PRLR: variants seen among roughly 807,000 people sequenced by gnomAD.
PRLR encodes the protein prolactin receptor, also known as hPRL receptor.
PRLR carries 13 observed loss-of-function variants against 40.2 expected under a neutral mutation model. The ratio of observed to expected loss-of-function variants is 0.32; its 90% CI spans 0.21 to 0.51. The LOEUF is 0.51. Among genes scored for constraint, PRLR ranks in the 20% least tolerant of loss-of-function variants. The pLI, the probability that PRLR is intolerant of heterozygous loss-of-function variation, is 0.97. For missense variants in PRLR, 656 were observed against 747.3 expected, an observed-to-expected ratio of 0.88 and a Z score of 1.42; for synonymous variants, 269 against 278.7, an observed-to-expected ratio of 0.97 and a Z score of 0.35.
chr5:35,216,287 G>A (rs968710079), intron 1 of PRLR, among the ~76,000 whole-genome samples: 1 of 16,178 alleles, frequency 6.2e-5, no homozygotes, highest in African/African-American at 3.4e-4. Flanking sequence ...CTCATTTATT[G>A]AACTATAGTG....
intron 1 of PRLR, among the ~76,000 whole-genome samples, chr5:35,145,509 T>C (rs929298200): frequency 6.6e-6 from 1 of 152,212 alleles, no homozygotes; most frequent in Non-Finnish European, 1.5e-5. Flanking sequence ...AAGGTCCTTG[T>C]TGTGGTATGC....
chr5:35,180,633 C>T lies in PRLR; in HGVS notation c.-106+49635G>A, dbSNP rs368784446. 4.3e-4 allele frequency among the ~76,000 whole-genome samples: 66 copies of T among 152,042 alleles called. 1 individual carries two copies. Among genetic ancestry groups the T allele is most frequent in the Middle Eastern group, 6.8e-3 (2 of 292 alleles). On this transcript the variant is annotated intron_variant, in intron 1 of 9. Transcript: ENST00000618457. The stretch of plus-strand genomic sequence containing the variant: ...TAAATTCTAGGGTACATCTGCACAA[C>T]GTGCAGGTTTGTTACACGTGTATAC...
intron 1 of PRLR, among the ~76,000 whole-genome samples, chr5:35,206,113 G>T (rs965515954): frequency 6.6e-6 from 1 of 152,116 alleles, no homozygotes; most frequent in Non-Finnish European, 1.5e-5. Context: ...TGAGATAAAA[G>T]TAAGGAAGGA....
chr5:35,189,181 C>G (rs1775530291), intron 1 of PRLR, among the ~76,000 whole-genome samples: 1 of 152,128 alleles, frequency 6.6e-6, no homozygotes, highest in African/African-American at 2.4e-5. Flanking sequence ...AGCACACCAC[C>G]AGAAGCTAGC....
At chr5:35,124,872 G>A (rs1478944106) in intron 1 of PRLR, among the ~76,000 whole-genome samples, 2 of 152,276 alleles carry the variant, frequency 1.3e-5, no homozygotes, top group South Asian at 2.1e-4. Context: ...TTTATCAGAA[G>A]TGTATCAGTC....
chr5:35,220,031 G>A (rs186571471), intron 1 of PRLR, among the ~76,000 whole-genome samples: 1 of 152,194 alleles, frequency 6.6e-6, no homozygotes, highest in African/African-American at 2.4e-5. Flanking sequence ...ACCTTGGCAT[G>A]ATCCACCCTC....
Position 35,084,592 on chromosome 5 carries a change from T to C in PRLR, c.251A>G (p.Asn84Ser), listed in dbSNP as rs754093703. The change falls in exon 5 of 10, where the codon AAC becomes AGC. Residue 84 changes from asparagine (N) to serine (S), a missense_variant. Transcript: ENST00000618457. ...GTACTGCTTGCCAAAGTGGCAGGAG[T>C]TGGGGCCACCGGTTATGTAGTCTGG... ...ECPDYITGGP[N>S]SCHFGKQYTS... The C allele has an allele frequency of 9.9e-6, 16 of 1,610,912 alleles. No individual in the cohort carries two copies. Among genetic ancestry groups the C allele is most frequent in the Non-Finnish European group, 1.2e-5 (14 of 1,178,832 alleles).
chr5:35,092,972 G>A (rs1394299185), intron 2 of PRLR, among the ~76,000 whole-genome samples: 1 of 152,022 alleles, frequency 6.6e-6, no homozygotes, highest in Non-Finnish European at 1.5e-5. Context: ...CCACACTGTG[G>A]CCCACCGTGG....
chr5:35,218,446 C>T lies in PRLR; in HGVS notation c.-106+11822G>A, dbSNP rs559926379. On this transcript the variant is annotated intron_variant, in intron 1 of 9. Transcript: ENST00000618457. ...ATATAATATAGAAGACAAATCATCA[C>T]AATTACTGTCTTTATAGCCATTGCT... Among the ~76,000 whole-genome samples the T allele has an allele frequency of 2.6e-5, 4 of 152,220 alleles. 1 individual carries two copies. In the East Asian group the frequency reaches 7.7e-4, roughly 29 times the overall value.
At position 35,065,806 on chromosome 5, in the gene PRLR, C is replaced by T. The variant is rs1242510126; in HGVS notation, c.1152G>A (p.Glu384=). The T allele has an allele frequency of 1.2e-6, 2 of 1,614,106 alleles. No homozygotes were observed. Among genetic ancestry groups the T allele is most frequent in the East Asian group, 2.2e-5 (1 of 44,860 alleles). The change falls in exon 10 of 10, where the codon GAG becomes GAA. Residue 384 remains glutamate (E), a synonymous_variant. Transcript: ENST00000618457. ...FYDPEVIEKP[E]NPETTHTWDP... is the part of the protein sequence containing the mutation. Reference sequence around the variant, plus strand: ...CCCAGGTGTGGGTTGTTTCAGGATTCTCTGGCTTCTCAATGACCTCAGGAT... The same window carrying T: ...CCCAGGTGTGGGTTGTTTCAGGATTTTCTGGCTTCTCAATGACCTCAGGAT...
At chr5:35,150,035 C>A (rs1774295994) in intron 1 of PRLR, among the ~76,000 whole-genome samples, 1 of 152,072 alleles carries the variant, frequency 6.6e-6, no homozygotes, top group Non-Finnish European at 1.5e-5. Context: ...CAGGCATGCG[C>A]CACGACGCCC....
Position 35,058,657 on chromosome 5 carries a change from A to G in PRLR, c.*6432T>C, listed in dbSNP as rs1768861090. On this transcript the variant is annotated 3_prime_UTR_variant, in exon 10 of 10. Transcript: ENST00000618457. ...TACAGTCATAGACACAATCATATTGAAACTACATATGGATAAATTGTAAGT... is the reference window on the plus strand; with the variant it reads ...TACAGTCATAGACACAATCATATTGGAACTACATATGGATAAATTGTAAGT... 6.6e-6 allele frequency: 1 copy of G among 152,250 alleles called. No individual in the cohort carries two copies. Among genetic ancestry groups the G allele is most frequent in the East Asian group, 1.9e-4 (1 of 5,206 alleles). 9.4% of individuals were successfully genotyped at this position (152,250 alleles called of 1,614,324 possible).
intron 5 of PRLR, among the ~76,000 whole-genome samples, chr5:35,080,334 C>T (rs1450875055): frequency 2.0e-5 from 3 of 151,942 alleles, no homozygotes; most frequent in South Asian, 4.2e-4. Context: ...AACTTAAACA[C>T]GTTTACAAGA....
intron 1 of PRLR, among the ~76,000 whole-genome samples, chr5:35,172,208 G>A (rs1775018477): frequency 6.6e-6 from 1 of 152,232 alleles, no homozygotes; most frequent in South Asian, 2.1e-4. Flanking sequence ...CTGCAGGCAT[G>A]ACAGGGCCGT....
chr5:35,171,921 C>T (rs1230446199), intron 1 of PRLR, among the ~76,000 whole-genome samples: 3 of 152,088 alleles, frequency 2.0e-5, no homozygotes, highest in African/African-American at 7.2e-5. Context: ...GCAAAAAAGT[C>T]TCACTTAAGT....
At chr5:35,204,011 T>G in intron 1 of PRLR, among the ~76,000 whole-genome samples, 1 of 152,004 alleles carries the variant, frequency 6.6e-6, no homozygotes, top group East Asian at 1.9e-4. Context: ...AGCTCTAATT[T>G]TTATTGGTGG....
At chr5:35,174,813 A>G (rs1362954334) in intron 1 of PRLR, among the ~76,000 whole-genome samples, 3 of 152,108 alleles carry the variant, frequency 2.0e-5, no homozygotes, top group Non-Finnish European at 4.4e-5. Context: ...TCTGGGAGGA[A>G]ATGTTGGGTA....
At position 35,064,426 on chromosome 5, in the gene PRLR, A is replaced by C. The variant is rs1769223844; in HGVS notation, c.*663T>G. ...CTTGTGTAAGAACATTTTTATTTCCAAACTATATTTTATAGAAGCTTTAGA... is the reference window on the plus strand; with the variant it reads ...CTTGTGTAAGAACATTTTTATTTCCCAACTATATTTTATAGAAGCTTTAGA... On this transcript the variant is annotated 3_prime_UTR_variant, in exon 10 of 10. Coordinates refer to ENST00000618457, the MANE Select transcript of PRLR (RefSeq NM_000949.7). 6.6e-6 allele frequency: 1 copy of C among 152,480 alleles called. No individual in the cohort carries two copies. Among genetic ancestry groups the C allele is most frequent in the Admixed American group, 6.5e-5 (1 of 15,282 alleles). 9.4% of individuals were successfully genotyped at this position (152,480 alleles called of 1,614,324 possible).
rs565518507 is a variant in PRLR, at chr5:35,170,220, A to G, written c.-105-52098T>C. On this transcript the variant is annotated intron_variant, in intron 1 of 9. Transcript: ENST00000618457. ...AGCCGTGTGTACACTGTGCATTTTG[A>G]TTGCAAAATTTGAGTCTGAGGAAAA... Among the ~76,000 whole-genome samples the G allele has an allele frequency of 5.3e-5, 8 of 152,332 alleles. No individual in the cohort carries two copies. The South Asian group carries it at 1.4e-3, about 28-fold the overall frequency.
Sources: gnomAD v4.1 joint callset for allele counts (sites outside exome capture counted in the v4.1 genomes callset) on GRCh38, gnomAD v4.1.1 for gene constraint, MANE v1.5 for transcripts, NCBI Gene and HGNC (gene_info 2026-07-23, HGNC 2026-07-21) for gene names.